TBC1D9: variants seen among roughly 807,000 people sequenced by gnomAD.
TBC1D9 encodes TBC1 domain family member 9.
In TBC1D9, 63 loss-of-function variants were observed where a neutral mutation model predicts 132.0. The observed-to-expected ratio is 0.48, with a 90% CI of 0.39 to 0.59. TBC1D9 has a LOEUF of 0.59. Among genes scored for constraint, TBC1D9 ranks in the 20% least tolerant of loss-of-function variants. The pLI is 0.00. For missense variants in TBC1D9, 1,261 were observed against 1,592.7 expected, an observed-to-expected ratio of 0.79 and a Z score of 3.54; for synonymous variants, 610 against 609.9, an observed-to-expected ratio of 1.00 and a Z score of 0.00.
At chr4:140,710,949 A>G (rs1373675774) in intron 1 of TBC1D9, among the ~76,000 whole-genome samples, 2 of 152,158 alleles carry the variant, frequency 1.3e-5, no homozygotes, top group Non-Finnish European at 2.9e-5. Flanking sequence ...CCTGTGTACA[A>G]GCATACCTAG....
At position 140,628,042 on chromosome 4, in the gene TBC1D9, C is replaced by T. The variant is rs975359023; in HGVS notation, c.2812+258G>A. ...CTTGTATCCCAGGTGTTACCAAGTG[C>T]TATTTATTCTTTCTTTTGCAGATGC... On this transcript the variant is annotated intron_variant, in intron 17 of 20. Coordinates refer to ENST00000442267, the MANE Select transcript of TBC1D9 (RefSeq NM_015130.3). Among the ~76,000 whole-genome samples, 3 of 152,320 alleles carry T rather than the reference C, an allele frequency of 2.0e-5. No individual in the cohort carries two copies. The South Asian group carries it at 6.2e-4, about 32-fold the overall frequency.
At chr4:140,717,723 C>T (rs1278121054) in intron 1 of TBC1D9, among the ~76,000 whole-genome samples, 1 of 152,040 alleles carries the variant, frequency 6.6e-6, no homozygotes, top group South Asian at 2.1e-4. Context: ...TCAGGTGCAG[C>T]GTGAAGATTA....
intron 13 of TBC1D9, among the ~76,000 whole-genome samples, chr4:140,651,636 C>T (rs1220649635): frequency 2.0e-5 from 3 of 152,182 alleles, no homozygotes; most frequent in African/African-American, 7.2e-5. Flanking sequence ...CCGAAACTCA[C>T]CTTATCTGTT....
At chr4:140,682,801 T>A (rs1737725978) in intron 3 of TBC1D9, among the ~76,000 whole-genome samples, 1 of 152,204 alleles carries the variant, frequency 6.6e-6, no homozygotes. Flanking sequence ...AATGTGAGAA[T>A]GAGTGACATA....
At chr4:140,729,411 T>A (rs1047530580) in intron 1 of TBC1D9, among the ~76,000 whole-genome samples, 2 of 152,104 alleles carry the variant, frequency 1.3e-5, no homozygotes, top group African/African-American at 4.8e-5. Context: ...CTGCAATTTA[T>A]CCATCACAAC....
intron 1 of TBC1D9, among the ~76,000 whole-genome samples, chr4:140,744,806 C>T (rs1270765274): frequency 6.7e-6 from 1 of 150,254 alleles, no homozygotes; most frequent in East Asian, 2.0e-4. Context: ...TCGCTTGAAC[C>T]TGGGAGATAG....
At chr4:140,736,962 A>G (rs1055733520) in intron 1 of TBC1D9, among the ~76,000 whole-genome samples, 25 of 152,208 alleles carry the variant, frequency 1.6e-4, no homozygotes, top group Non-Finnish European at 2.8e-4. Flanking sequence ...TTTTGGCACC[A>G]GGGAGCAGTT....
chr4:140,682,143 C>T (rs1184985829), intron 3 of TBC1D9, among the ~76,000 whole-genome samples: 2 of 152,098 alleles, frequency 1.3e-5, no homozygotes, highest in Non-Finnish European at 2.9e-5. Flanking sequence ...ATTTCTAAAT[C>T]TACAATTGTT....
intron 1 of TBC1D9, among the ~76,000 whole-genome samples, chr4:140,713,507 T>C (rs1441035780): frequency 1.3e-5 from 2 of 151,804 alleles, no homozygotes; most frequent in East Asian, 3.9e-4. Context: ...GAGGCCAAGG[T>C]GGGAAGACCA....
intron 1 of TBC1D9, among the ~76,000 whole-genome samples, chr4:140,750,307 G>A (rs1738903014): frequency 6.6e-6 from 1 of 151,660 alleles, no homozygotes; most frequent in African/African-American, 2.4e-5. Flanking sequence ...GTCAAGAAAG[G>A]CAAAGACAAT....
chr4:140,643,353 G>A (rs1448791086), intron 13 of TBC1D9: 14 of 1,325,958 alleles, frequency 1.1e-5, no homozygotes, highest in Non-Finnish European at 1.3e-5. Context: ...GACTCCAGTA[G>A]CACCTGGGGA....
chr4:140,755,204 G>A (rs1335962712), intron 1 of TBC1D9, among the ~76,000 whole-genome samples: 1 of 152,164 alleles, frequency 6.6e-6, no homozygotes, highest in Non-Finnish European at 1.5e-5. Context: ...TTGGATATGG[G>A]TCTGACTGAT....
intron 13 of TBC1D9, chr4:140,642,074 AG>A (rs917832192): frequency 1.6e-4 from 110 of 698,080 alleles, no homozygotes; most frequent in Non-Finnish European, 2.6e-4. Flanking sequence ...AGAGTCCGGG[AG>A]GGGGCGGAGG....
At chr4:140,678,774 T>C (rs1256585863) in intron 5 of TBC1D9, among the ~76,000 whole-genome samples, 168 bp downstream of exon 5, 2 of 152,206 alleles carry the variant, frequency 1.3e-5, no homozygotes, top group Non-Finnish European at 2.9e-5. Context: ...CATGTCTGTC[T>C]CACTTTCTGA....
chr4:140,688,570 G>T (rs1241100426), intron 2 of TBC1D9, among the ~76,000 whole-genome samples: 1 of 152,090 alleles, frequency 6.6e-6, no homozygotes, highest in Admixed American at 6.5e-5. Context: ...GTCAGAGGCT[G>T]ATGTGGGAGG....
rs187176927 is a variant in TBC1D9 at position 140,683,798 on chromosome 4, T to G, written c.360+2546A>C. Among the ~76,000 whole-genome samples, 673 of 152,370 alleles carry G rather than the reference T, an allele frequency of 4.4e-3. 4 individuals carry two copies. The highest frequency in any genetic ancestry group is 0.015 in the African/African-American group (628 of 41,594). ...AGAGATTCTAACTGACAATATCTAC[T>G]AAGGTCTATTAAAAATACTTAAACT... On this transcript the variant is annotated intron_variant, in intron 3 of 20. Transcript: ENST00000442267.
intron 6 of TBC1D9, among the ~76,000 whole-genome samples, chr4:140,672,505 T>G (rs1034479308): frequency 1.3e-5 from 2 of 152,086 alleles, no homozygotes; most frequent in Non-Finnish European, 2.9e-5. Context: ...CTGGGATAAA[T>G]GGAAAATGCC....
rs374255751 is a variant in TBC1D9 at position 140,744,413 on chromosome 4, C to T, written c.130+11503G>A. On this transcript the variant is annotated intron_variant, in intron 1 of 20. Coordinates refer to ENST00000442267, the MANE Select transcript of TBC1D9 (RefSeq NM_015130.3). ...GGGTTTTCAGACATGCTTCATTATA[C>T]CCTTCTCCCTTTCAAATTCAGGCAC... 2.4e-4 allele frequency among the ~76,000 whole-genome samples: 37 copies of T among 152,254 alleles called. No individual in the cohort carries two copies. In the South Asian group the frequency reaches 2.5e-3, roughly 10 times the overall value.
At chr4:140,646,830 A>C (rs559584723) in intron 13 of TBC1D9, among the ~76,000 whole-genome samples, 1 of 152,368 alleles carries the variant, frequency 6.6e-6, no homozygotes, top group South Asian at 2.1e-4. Flanking sequence ...TCTCCAAGGA[A>C]GTGCCTTCCA....
Sources: gnomAD v4.1 joint callset for allele counts (sites outside exome capture counted in the v4.1 genomes callset) on GRCh38, gnomAD v4.1.1 for gene constraint, MANE v1.5 for transcripts, NCBI Gene and HGNC (gene_info 2026-07-23, HGNC 2026-07-21) for gene names.